The following GALNT13 variants were observed in gnomAD, a reference collection of about 807,000 sequenced individuals.
The protein encoded by GALNT13 is UDP-GalNAc:polypeptide N-acetylgalactosaminyltransferase 13.
Under a neutral mutation model 64.2 loss-of-function variants are expected in GALNT13, and 28 were observed. The ratio of observed to expected loss-of-function variants is 0.44; its 90% CI spans 0.32 to 0.60. GALNT13 has a LOEUF of 0.60. Ranked by LOEUF, GALNT13 falls within the 20% of genes least tolerant of loss-of-function variation. The probability of loss-of-function intolerance (pLI) is 0.05; values close to 1 mark genes in which losing one functional copy is unlikely to be tolerated. For missense variants in GALNT13, 577 were observed against 669.8 expected, an observed-to-expected ratio of 0.86 and a Z score of 1.53; for synonymous variants, 214 against 224.6, an observed-to-expected ratio of 0.95 and a Z score of 0.42.
the GALNT13 span, among the ~76,000 whole-genome samples, chr2:153,083,438 A>C: frequency 0.13 from 20,259 of 152,146 alleles, 1,589 homozygotes; most frequent in African/African-American, 0.2. Flanking sequence ...CTATTCTTGC[A>C]GGAGTAAGGT....
At chr2:153,888,930 G>A (rs370951501) in intron 1 of GALNT13, among the ~76,000 whole-genome samples, 1 of 152,010 alleles carries the variant, frequency 6.6e-6, no homozygotes, top group African/African-American at 2.4e-5. Context: ...CACCTTGGAA[G>A]TTAGTAAGTC....
chr2:153,966,427 G>A (rs1208821988), intron 3 of GALNT13, among the ~76,000 whole-genome samples: 2 of 150,688 alleles, frequency 1.3e-5, no homozygotes, highest in African/African-American at 2.4e-5. Context: ...GTGCAGTGGC[G>A]GGATCTCGGC....
chr2:154,332,121 GC>G (rs1695198232), intron 9 of GALNT13, among the ~76,000 whole-genome samples: 3 of 152,016 alleles, frequency 2.0e-5, no homozygotes. Flanking sequence ...GACACACTTA[GC>G]CTCTGTATCT....
At chr2:153,560,497 A>T in the GALNT13 span, among the ~76,000 whole-genome samples, 4 of 151,998 alleles carry the variant, frequency 2.6e-5, no homozygotes, top group Non-Finnish European at 5.9e-5. Flanking sequence ...ACTCATTTGC[A>T]ATTTATCCTA....
chr2:154,062,168 C>T (rs1700221729), intron 3 of GALNT13, among the ~76,000 whole-genome samples: 2 of 152,054 alleles, frequency 1.3e-5, no homozygotes, highest in Admixed American at 1.3e-4. Flanking sequence ...AATAGTTTTG[C>T]CAGACATGTG....
chr2:153,344,712 T>C, the GALNT13 span, among the ~76,000 whole-genome samples: 1 of 152,222 alleles, frequency 6.6e-6, no homozygotes, highest in Admixed American at 6.5e-5. Context: ...GTGTATTATA[T>C]ACTTGAAATT....
At chr2:153,723,968 T>C in the GALNT13 span, among the ~76,000 whole-genome samples, 1 of 150,088 alleles carries the variant, frequency 6.7e-6, no homozygotes, top group Admixed American at 6.6e-5. Context: ...AAAGTTCATA[T>C]GGAACCAAAA....
chr2:153,345,645 T>TTCTG, the GALNT13 span, among the ~76,000 whole-genome samples: 1 of 120,164 alleles, frequency 8.3e-6, no homozygotes, highest in African/African-American at 3.3e-5. Flanking sequence ...TTTTCTTTCT[T>TTCTG]TCTTTCTTTC....
intron 3 of GALNT13, among the ~76,000 whole-genome samples, chr2:154,061,072 G>A (rs947878921): frequency 1.3e-5 from 2 of 151,828 alleles, no homozygotes; most frequent in Non-Finnish European, 2.9e-5. Context: ...TAGAAAATAT[G>A]TTCAAACTTA....
At chr2:154,081,921 C>A (rs982709643) in intron 3 of GALNT13, among the ~76,000 whole-genome samples, 2 of 151,736 alleles carry the variant, frequency 1.3e-5, no homozygotes, top group African/African-American at 4.8e-5. Flanking sequence ...CCTATCCATA[C>A]AACCAATAGA....
At chr2:153,643,301 T>C in the GALNT13 span, among the ~76,000 whole-genome samples, 9 of 151,482 alleles carry the variant, frequency 5.9e-5, no homozygotes, top group Non-Finnish European at 1.2e-4. Flanking sequence ...AGCAATACTT[T>C]AGGGTTTTAA....
intron 4 of GALNT13, among the ~76,000 whole-genome samples, chr2:154,225,153 A>AGATAGAT (rs765900734): frequency 1.5e-3 from 169 of 115,102 alleles, no homozygotes; most frequent in African/African-American, 5.5e-3. Context: ...GATGACAGAT[A>AGATAGAT]GATAGATGAT....
At chr2:153,340,302 T>G in the GALNT13 span, among the ~76,000 whole-genome samples, 1 of 152,080 alleles carries the variant, frequency 6.6e-6, no homozygotes, top group Non-Finnish European at 1.5e-5. Flanking sequence ...TGTATCTTTA[T>G]TTATTTATTT....
chr2:154,396,943 A>T (rs571194303), intron 10 of GALNT13, among the ~76,000 whole-genome samples: 32 of 149,906 alleles, frequency 2.1e-4, no homozygotes, highest in Non-Finnish European at 4.1e-4. Context: ...CATACTATAG[A>T]TAATTATATA....
chr2:153,210,116 A>G, the GALNT13 span, among the ~76,000 whole-genome samples: 1 of 152,140 alleles, frequency 6.6e-6, no homozygotes, highest in Non-Finnish European at 1.5e-5. Flanking sequence ...TGATTATGCC[A>G]TCTGTGAATA....
At chr2:153,459,523 AC>A in the GALNT13 span, among the ~76,000 whole-genome samples, 4 of 152,114 alleles carry the variant, frequency 2.6e-5, no homozygotes, top group Admixed American at 2.6e-4. Context: ...CACATTATAA[AC>A]CCATATGCAC....
intron 3 of GALNT13, among the ~76,000 whole-genome samples, chr2:154,004,308 C>G (rs764026342): frequency 6.6e-6 from 1 of 151,982 alleles, no homozygotes; most frequent in African/African-American, 2.4e-5. Flanking sequence ...CAGGTTCAAG[C>G]GATCCTCCTG....
the GALNT13 span, among the ~76,000 whole-genome samples, chr2:153,215,670 G>C: frequency 6.6e-6 from 1 of 151,812 alleles, no homozygotes; most frequent in South Asian, 2.1e-4. Flanking sequence ...ATATCATGCA[G>C]TTTCTTTGGA....
At chr2:153,099,046 G>A in the GALNT13 span, among the ~76,000 whole-genome samples, 3 of 152,172 alleles carry the variant, frequency 2.0e-5, no homozygotes, top group African/African-American at 7.2e-5. Context: ...GCTTGAGGCA[G>A]AGGTTGCAGT....
Sources: gnomAD v4.1 joint callset for allele counts (sites outside exome capture counted in the v4.1 genomes callset) on GRCh38, gnomAD v4.1.1 for gene constraint, MANE v1.5 for transcripts, NCBI Gene and HGNC (gene_info 2026-07-23, HGNC 2026-07-21) for gene names.